The following SORCS2 variants were observed in gnomAD, a reference collection of about 807,000 sequenced individuals.
SORCS2 encodes the protein VPS10 domain-containing receptor SorCS2.
Under a neutral mutation model 141.6 loss-of-function variants are expected in SORCS2, and 100 were observed. The ratio of observed to expected loss-of-function variants is 0.71; its 90% CI spans 0.60 to 0.83. The LOEUF (loss-of-function observed/expected upper bound fraction) is 0.83, where lower values mean the gene tolerates loss of function less well. SORCS2 is among the 40% of genes least tolerant of loss of function. SORCS2 has a pLI of 0.00. For synonymous variants in SORCS2, 789 were observed against 676.9 expected, an observed-to-expected ratio of 1.17 and a Z score of -2.57; for missense variants, 1,646 against 1,560.2, an observed-to-expected ratio of 1.05 and a Z score of -0.93.
At chr4:7,536,734 T>C (rs941022716) in intron 3 of SORCS2, among the ~76,000 whole-genome samples, 3 of 152,120 alleles carry the variant, frequency 2.0e-5, no homozygotes, top group Admixed American at 6.5e-5. Context: ...ATGAAACTTA[T>C]CTACTTGGAG....
intron 1 of SORCS2, among the ~76,000 whole-genome samples, chr4:7,333,367 G>A (rs1719780172): frequency 6.6e-6 from 1 of 152,336 alleles, no homozygotes; most frequent in Admixed American, 6.5e-5. Context: ...AGCTGCTGAA[G>A]GTGTTAAACG....
intron 1 of SORCS2, among the ~76,000 whole-genome samples, chr4:7,255,852 C>G (rs1416220357): frequency 1.2e-4 from 7 of 59,004 alleles, no homozygotes; most frequent in African/African-American, 8.1e-4. Flanking sequence ...TGCGTGGGGA[C>G]CCGGGGCTGG....
chr4:7,244,682 C>A (rs913663406), intron 1 of SORCS2, among the ~76,000 whole-genome samples: 2 of 152,202 alleles, frequency 1.3e-5, no homozygotes, highest in African/African-American at 4.8e-5. Flanking sequence ...GTGCGGTTGC[C>A]CCTACTCTGA....
intron 3 of SORCS2, among the ~76,000 whole-genome samples, chr4:7,619,832 C>A (rs1560431192): frequency 6.6e-6 from 1 of 152,144 alleles, no homozygotes; most frequent in South Asian, 2.1e-4. Context: ...CACGCATGTA[C>A]ACGTCTGTGC....
At chr4:7,248,116 G>C (rs1283316565) in intron 1 of SORCS2, among the ~76,000 whole-genome samples, 1 of 152,178 alleles carries the variant, frequency 6.6e-6, no homozygotes, top group Non-Finnish European at 1.5e-5. Flanking sequence ...CCTGAGCCCG[G>C]ATCCCAGCTT....
intron 2 of SORCS2, among the ~76,000 whole-genome samples, chr4:7,458,471 C>T (rs573001508): frequency 6.6e-6 from 1 of 152,132 alleles, no homozygotes; most frequent in Admixed American, 6.5e-5. Context: ...GAGAATTCCC[C>T]CATGGTCCCC....
At chr4:7,537,412 G>A (rs1210416035) in intron 3 of SORCS2, among the ~76,000 whole-genome samples, 1 of 152,176 alleles carries the variant, frequency 6.6e-6, no homozygotes, top group Non-Finnish European at 1.5e-5. Context: ...GTGGTGAGAG[G>A]GCAGCTTGAA....
chr4:7,227,778 C>T (rs184847356), intron 1 of SORCS2, among the ~76,000 whole-genome samples: 6 of 152,312 alleles, frequency 3.9e-5, no homozygotes, highest in African/African-American at 1.2e-4. Context: ...TCAGGCAGAG[C>T]GGCTAAACGC....
intron 1 of SORCS2, among the ~76,000 whole-genome samples, chr4:7,270,557 T>A (rs1029484609): frequency 3.9e-5 from 6 of 152,198 alleles, no homozygotes; most frequent in African/African-American, 1.4e-4. Context: ...TGAAGCTGGA[T>A]GTTTGAAAAG....
intron 2 of SORCS2, among the ~76,000 whole-genome samples, chr4:7,480,720 G>A (rs11945406): frequency 0.089 from 13,550 of 152,260 alleles, 639 homozygotes; most frequent in African/African-American, 0.12. Context: ...CTGGAGTTGT[G>A]GGGAGGGCGC....
intron 14 of SORCS2, among the ~76,000 whole-genome samples, chr4:7,707,343 G>C (rs1326936753): frequency 1.3e-5 from 2 of 152,198 alleles, no homozygotes; most frequent in Non-Finnish European, 2.9e-5. Flanking sequence ...CCTGGCCAAG[G>C]AGGATGGAAG....
chr4:7,670,014 A>G (rs779699716), intron 8 of SORCS2, among the ~76,000 whole-genome samples: 5 of 152,368 alleles, frequency 3.3e-5, no homozygotes, highest in African/African-American at 4.8e-5. Flanking sequence ...CAATGAATCT[A>G]TGTGTGCCCA....
At chr4:7,197,354 C>T (rs542630744) in intron 1 of SORCS2, among the ~76,000 whole-genome samples, 2 of 152,262 alleles carry the variant, frequency 1.3e-5, no homozygotes, top group African/African-American at 4.8e-5. Flanking sequence ...ACAGTTCAGA[C>T]CCTAATAGCA....
chr4:7,729,216 C>T (rs374058225), intron 22 of SORCS2, among the ~76,000 whole-genome samples: 3 of 152,104 alleles, frequency 2.0e-5, no homozygotes, highest in East Asian at 3.9e-4. Context: ...GTCAGTGGGG[C>T]CCGGTCACAG....
chr4:7,430,115 G>T (rs114176632), intron 2 of SORCS2, among the ~76,000 whole-genome samples: 2 of 152,136 alleles, frequency 1.3e-5, no homozygotes, highest in East Asian at 1.9e-4. Flanking sequence ...AAGTGAAAGT[G>T]GGGGAGGGAG....
rs144292151 is a variant in SORCS2, at chr4:7,222,486, G to A, written c.480+29360G>A. 4.1e-3 allele frequency among the ~76,000 whole-genome samples: 621 copies of A among 150,702 alleles called. 4 individuals are homozygous for A. The highest frequency in any genetic ancestry group is 0.014 in the African/African-American group (590 of 40,738). On this transcript the variant is annotated intron_variant, in intron 1 of 26. Coordinates refer to ENST00000507866, the MANE Select transcript of SORCS2 (RefSeq NM_020777.3). The stretch of plus-strand genomic sequence containing the variant: ...GTGTTGCTTGGGACTGGCAGAGAGC[G>A]GGGCATGGGGGTGGTAGCTAACGGG...
chr4:7,569,301 A>G (rs1197945647), intron 3 of SORCS2, among the ~76,000 whole-genome samples: 2 of 152,200 alleles, frequency 1.3e-5, no homozygotes, highest in Non-Finnish European at 2.9e-5. Flanking sequence ...TCACAAGGTC[A>G]GGAGTTTGAG....
At chr4:7,275,466 C>T (rs866264651) in intron 1 of SORCS2, among the ~76,000 whole-genome samples, 41 of 152,084 alleles carry the variant, frequency 2.7e-4, no homozygotes, top group African/African-American at 8.0e-4. Flanking sequence ...GTCTGCTCTG[C>T]GATGTTGCCA....
At chr4:7,674,578 TAAAAA>T (rs377431157) in intron 8 of SORCS2, among the ~76,000 whole-genome samples, 2,888 of 82,686 alleles carry the variant, frequency 0.035, 132 homozygotes, top group African/African-American at 0.1. Context: ...TGTCTCAAAA[TAAAAA>T]AAAAAAAAAA....
Sources: allele counts gnomAD v4.1 joint callset (sites outside exome capture counted in the v4.1 genomes callset), GRCh38; gene constraint gnomAD v4.1.1; transcripts MANE v1.5; gene names NCBI Gene and HGNC (gene_info 2026-07-23, HGNC 2026-07-21).